The following CACNA1C variants were observed in gnomAD, a reference collection of about 807,000 sequenced individuals.
CACNA1C encodes the protein voltage-dependent L-type calcium channel subunit alpha-1C.
A neutral mutation model predicts 229.0 loss-of-function variants in CACNA1C; 30 were observed. The observed-to-expected ratio is 0.13, with a 90% CI of 0.10 to 0.18. The LOEUF (loss-of-function observed/expected upper bound fraction) is 0.18. CACNA1C is among the 10% of genes least tolerant of loss of function. CACNA1C has a pLI of 1.00. For missense variants in CACNA1C, 1,658 were observed against 2,845.0 expected, an observed-to-expected ratio of 0.58 and a Z score of 9.49; for synonymous variants, 1,114 against 1,132.5, an observed-to-expected ratio of 0.98 and a Z score of 0.33.
In CACNA1C at chr12:2,653,070, G is replaced by A. The variant is rs2095182573; in HGVS notation, c.4075-765G>A. 6.6e-6 allele frequency among the ~76,000 whole-genome samples: 1 copy of A among 152,230 alleles called. No individual in the cohort carries two copies. Among genetic ancestry groups the A allele is most frequent in the African/African-American group, 2.4e-5 (1 of 41,472 alleles). On this transcript the variant is annotated intron_variant, in intron 32 of 46. Transcript: ENST00000399655. This position sits in a 1 kb window ranked among gnomAD's most constrained non-coding sequence, Gnocchi z 4.7. ...ACACGGGCTGGGCCTCCCATCCTGG[G>A]GACCATGGCCTGTCCCCAGAAGTCA...
At chr12:2,301,712 C>T (rs1019232276) in intron 3 of CACNA1C, among the ~76,000 whole-genome samples, 3 of 152,188 alleles carry the variant, frequency 2.0e-5, no homozygotes, top group Non-Finnish European at 4.4e-5. Flanking sequence ...TTGGAAAAAA[C>T]TGGAGTGATG....
At chr12:2,049,630 T>A (rs2051748515), upstream of CACNA1C, among the ~76,000 whole-genome samples, 2 of 152,112 alleles carry the variant, frequency 1.3e-5, no homozygotes, top group Admixed American at 1.3e-4. Flanking sequence ...ACCTAAAATG[T>A]AGTAAGGAAG....
chr12:2,224,460 C>A (rs937009107), intron 3 of CACNA1C, among the ~76,000 whole-genome samples: 1 of 152,190 alleles, frequency 6.6e-6, no homozygotes, highest in African/African-American at 2.4e-5. Context: ...ATGACCTTCC[C>A]AGACTCCCTT....
At chr12:2,059,354 G>A (rs1187552781) in intron 1 of CACNA1C, among the ~76,000 whole-genome samples, 1 of 152,058 alleles carries the variant, frequency 6.6e-6, no homozygotes, top group Non-Finnish European at 1.5e-5. Context: ...TGGGATTGTA[G>A]GGACTGTAGG....
At position 2,506,587 on chromosome 12, in the gene CACNA1C, T is replaced by A. The variant is rs1050903700; in HGVS notation, c.1217+1642T>A. Among the ~76,000 whole-genome samples the A allele has an allele frequency of 3.3e-4, 50 of 152,214 alleles. 1 individual carries two copies. Among genetic ancestry groups the A allele is most frequent in the African/African-American group, 1.0e-3 (42 of 41,450 alleles). On this transcript the variant is annotated intron_variant, in intron 8 of 46. Transcript: ENST00000399655. ...ATTATTATTTACTTGGTGCCTGTTA[T>A]AACTAGAAGTATAGAATCATCAAAT...
Position 2,146,613 on chromosome 12 carries a change from C to T in CACNA1C, c.477+26183C>T, listed in dbSNP as rs57328393. On this transcript the variant is annotated intron_variant, in intron 3 of 46. Transcript: ENST00000399655. ...GGCCTAGGGAAGGGCAGGATTTAGACGAAAGCAGAGCCATTGGAAAGGCAT... is the reference window on the plus strand; with the variant it reads ...GGCCTAGGGAAGGGCAGGATTTAGATGAAAGCAGAGCCATTGGAAAGGCAT... 8.0e-3 allele frequency among the ~76,000 whole-genome samples: 1,208 copies of T among 151,152 alleles called. 17 individuals carry two copies. The highest frequency in any genetic ancestry group is 0.028 in the African/African-American group (1,153 of 41,414).
chr12:2,518,396 C>T (rs1373117072), intron 9 of CACNA1C, among the ~76,000 whole-genome samples: 1 of 152,128 alleles, frequency 6.6e-6, no homozygotes, highest in Non-Finnish European at 1.5e-5. Context: ...ATCATGAGGT[C>T]AGGAGATTGA....
At chr12:2,049,956 C>T (rs964609028), upstream of CACNA1C, among the ~76,000 whole-genome samples, 5 of 152,198 alleles carry the variant, frequency 3.3e-5, no homozygotes, top group African/African-American at 1.2e-4. Flanking sequence ...GGAAAGAACA[C>T]ATTTCACAGC....
At chr12:2,335,361 A>AAGAGCCATTTCCTTCCTCTTG (rs2096660845) in intron 3 of CACNA1C, among the ~76,000 whole-genome samples, 1 of 152,184 alleles carries the variant, frequency 6.6e-6, no homozygotes, top group African/African-American at 2.4e-5. Flanking sequence ...TTACGATGTC[A>AAGAGCCATTTCCTTCCTCTTG]AGAGCCATTT....
chr12:2,143,044 T>C (rs1408858779), intron 3 of CACNA1C, among the ~76,000 whole-genome samples: 1 of 150,986 alleles, frequency 6.6e-6, no homozygotes, highest in African/African-American at 2.4e-5. Context: ...GGTGCTATCT[T>C]GGCTCACTGC....
chr12:2,001,489 G>A (rs2042184721), intron 1 of CACNA1C, among the ~76,000 whole-genome samples: 1 of 152,122 alleles, frequency 6.6e-6, no homozygotes, highest in African/African-American at 2.4e-5. Flanking sequence ...GTGCTGTTTT[G>A]CAAATTTTGG....
chr12:2,571,409 C>T (rs1381748366), intron 13 of CACNA1C, among the ~76,000 whole-genome samples: 1 of 152,098 alleles, frequency 6.6e-6, no homozygotes, highest in East Asian at 1.9e-4. Context: ...CTATTTTTAA[C>T]TTGCAGTTTT....
At chr12:2,555,086 ATG>A (rs1242713609) in intron 10 of CACNA1C, among the ~76,000 whole-genome samples, 1 of 152,224 alleles carries the variant, frequency 6.6e-6, no homozygotes, top group Non-Finnish European at 1.5e-5. Flanking sequence ...CGTGCTCAGA[ATG>A]TGCCCGGATG....
chr12:2,106,719 C>T (rs1200766397), intron 1 of CACNA1C, among the ~76,000 whole-genome samples: 1 of 114,606 alleles, frequency 8.7e-6, no homozygotes, highest in African/African-American at 3.5e-5. Flanking sequence ...GTTTCCACCT[C>T]AGCTGGGCGT....
intron 28 of CACNA1C, among the ~76,000 whole-genome samples, chr12:2,611,347 T>C (rs2077653644): frequency 7.5e-6 from 1 of 132,970 alleles, no homozygotes; most frequent in African/African-American, 2.9e-5. Context: ...GTGTTCGTTG[T>C]TGGTTGATCA....
chr12:2,015,982 A>G (rs920341029), intron 1 of CACNA1C, among the ~76,000 whole-genome samples: 2 of 152,240 alleles, frequency 1.3e-5, no homozygotes, highest in African/African-American at 4.8e-5. Flanking sequence ...TTATTTGGTA[A>G]TGACAGAACA....
chr12:2,203,945 A>G (rs4765669), intron 3 of CACNA1C, among the ~76,000 whole-genome samples: 51,787 of 152,032 alleles, frequency 0.34, 9,301 homozygotes, highest in South Asian at 0.39. Flanking sequence ...TTCATGGGGG[A>G]CCAGGAGGCT....
At chr12:2,324,925 T>C (rs1443161583) in intron 3 of CACNA1C, among the ~76,000 whole-genome samples, 1 of 152,172 alleles carries the variant, frequency 6.6e-6, no homozygotes, top group Non-Finnish European at 1.5e-5. Flanking sequence ...ATTTAGTCGT[T>C]ACTGTTGCCT....
chr12:1,988,429 C>T (rs1322536458), intron 1 of CACNA1C, among the ~76,000 whole-genome samples: 1 of 152,168 alleles, frequency 6.6e-6, no homozygotes, highest in African/African-American at 2.4e-5. Flanking sequence ...TACTTGAGTA[C>T]AACAAGGTGA....
Sources: allele counts gnomAD v4.1 joint callset (sites outside exome capture counted in the v4.1 genomes callset), GRCh38; gene constraint gnomAD v4.1.1; non-coding constraint Gnocchi (gnomAD v3.1); transcripts MANE v1.5; gene names NCBI Gene and HGNC (gene_info 2026-07-23, HGNC 2026-07-21).